Variants in CDC42BPB observed in about 807,000 individuals in gnomAD.
CDC42BPB encodes the protein CDC42 binding protein kinase beta.
CDC42BPB carries 37 observed loss-of-function variants against 214.9 expected under a neutral mutation model. The observed-to-expected ratio is 0.17, with a 90% CI of 0.13 to 0.23. The LOEUF is 0.23. Among genes scored for constraint, CDC42BPB ranks in the 10% least tolerant of loss-of-function variants. CDC42BPB has a pLI of 1.00. For synonymous variants in CDC42BPB, 931 were observed against 884.0 expected, an observed-to-expected ratio of 1.05 and a Z score of -0.94; for missense variants, 1,694 against 2,227.0, an observed-to-expected ratio of 0.76 and a Z score of 4.82.
rs199533303 is a variant in CDC42BPB at position 102,973,974 on chromosome 14, A to G, written c.1641+42T>C. 26 of 1,567,504 alleles carry G rather than the reference A, an allele frequency of 1.7e-5. No individual in the cohort carries two copies. The African/African-American group carries it at 2.6e-4, about 16-fold the overall frequency. ...TGAACGTGACCTTACAGAATTCTGCAAAGTCCCGTAAGCCTTTCTCACCCC... is the reference window on the plus strand; with the variant it reads ...TGAACGTGACCTTACAGAATTCTGCGAAGTCCCGTAAGCCTTTCTCACCCC... On this transcript the variant is annotated intron_variant, in intron 12 of 36. Coordinates refer to ENST00000361246, the MANE Select transcript of CDC42BPB (RefSeq NM_006035.4).
At chr14:103,056,513 G>T (rs964527773) in intron 1 of CDC42BPB, among the ~76,000 whole-genome samples, 5 of 152,008 alleles carry the variant, frequency 3.3e-5, no homozygotes, top group Non-Finnish European at 7.4e-5. Context: ...AGAAGCGTGG[G>T]GTGGGGAAAG....
intron 1 of CDC42BPB, among the ~76,000 whole-genome samples, chr14:103,050,487 G>C (rs768401043): frequency 6.6e-6 from 1 of 152,176 alleles, no homozygotes; most frequent in Non-Finnish European, 1.5e-5. Flanking sequence ...ATAGCGGAGC[G>C]CAGTGGCTCA....
chr14:103,040,448 C>A (rs1887925362), intron 1 of CDC42BPB, among the ~76,000 whole-genome samples: 1 of 151,222 alleles, frequency 6.6e-6, no homozygotes, highest in Non-Finnish European at 1.5e-5. Flanking sequence ...AACTTTTTTT[C>A]AATTAAATTT....
intron 1 of CDC42BPB, among the ~76,000 whole-genome samples, chr14:103,053,496 T>A (rs1056115996): frequency 1.3e-5 from 2 of 151,982 alleles, no homozygotes; most frequent in Non-Finnish European, 1.5e-5. Context: ...GCACGGTGGC[T>A]CACACCTGTA....
intron 1 of CDC42BPB, among the ~76,000 whole-genome samples, chr14:103,053,531 G>A (rs955430556): frequency 3.3e-5 from 5 of 151,778 alleles, no homozygotes; most frequent in Non-Finnish European, 5.9e-5. Flanking sequence ...GGAGGCCAAG[G>A]GGGGCAGATC....
At chr14:102,986,708 G>A in intron 5 of CDC42BPB, 128 bp from the exon 6 acceptor site, 3 of 1,380,836 alleles carry the variant, frequency 2.2e-6, no homozygotes, top group East Asian at 5.5e-5. Context: ...TCACCATCCA[G>A]TACAAATGCC....
At chr14:103,046,486 C>G (rs1450073145) in intron 1 of CDC42BPB, among the ~76,000 whole-genome samples, 1 of 152,048 alleles carries the variant, frequency 6.6e-6, no homozygotes, top group Non-Finnish European at 1.5e-5. Context: ...AAGTAGAAAA[C>G]AGGTGAAAAA....
At position 102,969,508 on chromosome 14, in the gene CDC42BPB, C is replaced by T. The variant is rs34975964; in HGVS notation, c.1995+643G>A. Among the ~76,000 whole-genome samples the T allele has an allele frequency of 9.8e-3, 1,488 of 152,322 alleles. 26 individuals are homozygous for T. The highest frequency in any genetic ancestry group is 0.033 in the African/African-American group (1,364 of 41,574). On this transcript the variant is annotated intron_variant, in intron 14 of 36. Coordinates refer to ENST00000361246, the MANE Select transcript of CDC42BPB (RefSeq NM_006035.4). Reference sequence around the variant, plus strand: ...GCCGAGGTCCAGCCAAGCCCGCTGCCAGGGAGGAACAGCATCTCAGGCCCA... The same window carrying T: ...GCCGAGGTCCAGCCAAGCCCGCTGCTAGGGAGGAACAGCATCTCAGGCCCA...
intron 1 of CDC42BPB, among the ~76,000 whole-genome samples, chr14:103,035,419 G>A (rs538204877): frequency 6.6e-6 from 1 of 152,146 alleles, no homozygotes; most frequent in Non-Finnish European, 1.5e-5. Context: ...CAGGGGTCAG[G>A]TGTGGTGGTT....
chr14:103,034,796 C>T (rs775129371), intron 1 of CDC42BPB, among the ~76,000 whole-genome samples: 26 of 140,390 alleles, frequency 1.9e-4, no homozygotes, highest in Admixed American at 4.6e-4. Flanking sequence ...CCAGCCTGGG[C>T]GACAGAGTGA....
At chr14:103,049,633 A>T (rs1284852873) in intron 1 of CDC42BPB, among the ~76,000 whole-genome samples, 1 of 152,232 alleles carries the variant, frequency 6.6e-6, no homozygotes, top group African/African-American at 2.4e-5. Flanking sequence ...AAACTAAGTA[A>T]ATGCATTACA....
At position 102,970,139 on chromosome 14, in the gene CDC42BPB, G is replaced by A. The variant is rs373966988; in HGVS notation, c.1995+12C>T. On this transcript the variant is annotated intron_variant, in intron 14 of 36. Transcript: ENST00000361246. ...CTCTCAGTTAAGGGCAGAGACCCCC[G>A]CCCAGCACTACCTTGAGGGCCTCCA... The A allele has an allele frequency of 4.9e-5, 79 of 1,603,530 alleles. No homozygotes were observed. Among genetic ancestry groups the A allele is most frequent in the African/African-American group, 6.7e-5 (5 of 74,804 alleles).
At chr14:102,994,984 T>G (rs993710513) in intron 5 of CDC42BPB, among the ~76,000 whole-genome samples, 2 of 152,222 alleles carry the variant, frequency 1.3e-5, no homozygotes, top group Non-Finnish European at 2.9e-5. Context: ...TTTTCTTTTC[T>G]TTTTTTCCTT....
At chr14:102,959,334 C>G (rs1892853802) in intron 21 of CDC42BPB, among the ~76,000 whole-genome samples, 1 of 151,904 alleles carries the variant, frequency 6.6e-6, no homozygotes, top group Non-Finnish European at 1.5e-5. Context: ...ACAGCTGAGG[C>G]CAGTGCAGAT....
intron 1 of CDC42BPB, among the ~76,000 whole-genome samples, chr14:103,048,297 A>G (rs1326255403): frequency 1.3e-5 from 2 of 152,152 alleles, no homozygotes; most frequent in Middle Eastern, 3.4e-3. Context: ...TAATCCTAGC[A>G]CTTCAGGAGG....
At chr14:103,036,507 C>T (rs1320941585) in intron 1 of CDC42BPB, among the ~76,000 whole-genome samples, 2 of 152,092 alleles carry the variant, frequency 1.3e-5, no homozygotes, top group Non-Finnish European at 2.9e-5. Flanking sequence ...CCTAAAACTA[C>T]AGTAATTCTG....
At chr14:103,053,352 AAAAAGAAAAG>A (rs911671227) in intron 1 of CDC42BPB, among the ~76,000 whole-genome samples, 4 of 151,848 alleles carry the variant, frequency 2.6e-5, no homozygotes, top group Admixed American at 6.6e-5. Context: ...GTCTCAAAAA[AAAAAGAAAAG>A]AAAAGAAAAG....
chr14:103,005,135 T>A (rs965065023), intron 3 of CDC42BPB, among the ~76,000 whole-genome samples: 1 of 149,218 alleles, frequency 6.7e-6, no homozygotes, highest in East Asian at 2.0e-4. Flanking sequence ...GCCACTGCAC[T>A]CCAGCCTGGG....
At position 102,933,750 on chromosome 14, in the gene CDC42BPB, G is replaced by A. The variant is rs1233179130; in HGVS notation, c.5098C>T (p.Pro1700Ser). ...GCCGGCTGCTCCAGGCCTTCGAGGG[G>A]GAGCTGGCTCCTGTGGGGGGAGTTG... Reference protein sequence around the residue: ...SPNSPHRSQLPLEGLEQPACD... With the variant: ...SPNSPHRSQLSLEGLEQPACD... Residue 1700 changes from proline to serine, a missense_variant, in exon 37 of 37, where the codon CCC (proline) becomes TCC (serine). Transcript: ENST00000361246. 6.7e-7 allele frequency: 1 copy of A among 1,495,544 alleles called. No homozygotes were observed. The highest frequency in any genetic ancestry group is 8.8e-7 in the Non-Finnish European group (1 of 1,137,510). The allele number at this position is 1,495,544 out of a possible 1,614,324, so 92.6% of individuals were successfully genotyped here.
Sources: allele counts gnomAD v4.1 joint callset (sites outside exome capture counted in the v4.1 genomes callset), GRCh38; gene constraint gnomAD v4.1.1; transcripts MANE v1.5; gene names NCBI Gene and HGNC (gene_info 2026-07-23, HGNC 2026-07-21).